EML4: variants seen among roughly 807,000 people sequenced by gnomAD.
EML4 encodes the protein EMAP like 4.
Under a neutral mutation model 129.0 loss-of-function variants are expected in EML4, and 72 were observed. That is an observed-to-expected ratio of 0.56 (90% CI 0.46 to 0.68). The LOEUF is 0.68. Ranked by LOEUF, EML4 falls within the 30% of genes least tolerant of loss-of-function variation. The pLI is 0.00. For missense variants in EML4, 1,363 were observed against 1,190.6 expected, an observed-to-expected ratio of 1.14 and a Z score of -2.13; for synonymous variants, 532 against 405.0, an observed-to-expected ratio of 1.31 and a Z score of -3.77.
chr2:42,230,978 C>G (rs1045090431), intron 1 of EML4, among the ~76,000 whole-genome samples: 4 of 152,178 alleles, frequency 2.6e-5, no homozygotes, highest in Non-Finnish European at 5.9e-5. Flanking sequence ...AAATCTATTA[C>G]TCTTACATTT....
chr2:42,229,862 G>T (rs998082656), intron 1 of EML4, among the ~76,000 whole-genome samples: 2 of 151,854 alleles, frequency 1.3e-5, no homozygotes, highest in African/African-American at 4.8e-5. Context: ...TGGCAGAGGG[G>T]AAAGGAGGGC....
chr2:42,205,385 T>C (rs974244175), intron 1 of EML4, among the ~76,000 whole-genome samples: 3 of 152,228 alleles, frequency 2.0e-5, no homozygotes, highest in Non-Finnish European at 4.4e-5. Context: ...AAGTTGACAT[T>C]TTTATATTTG....
chr2:42,236,970 G>A (rs1674717729), intron 1 of EML4, among the ~76,000 whole-genome samples: 3 of 152,144 alleles, frequency 2.0e-5, no homozygotes, highest in Non-Finnish European at 1.5e-5. Flanking sequence ...TCTATGAGGT[G>A]TTTAGAAAGA....
In EML4 at chr2:42,330,268, G is replaced by A; in HGVS notation, c.*61G>A. The A allele has an allele frequency of 6.7e-7, 1 of 1,485,820 alleles. No individual in the cohort carries two copies. The highest frequency in any genetic ancestry group is 9.3e-7 in the Non-Finnish European group (1 of 1,069,804). 92.0% of individuals were successfully genotyped at this position (1,485,820 alleles called of 1,614,324 possible). ...GCATGTGATTTTGTGATAAAGTTCA[G>A]GTAACAGGATGGGCAGTGATGGAGA... On this transcript the variant is annotated 3_prime_UTR_variant, in exon 23 of 23. Transcript: ENST00000318522.
intron 1 of EML4, among the ~76,000 whole-genome samples, chr2:42,244,749 C>A (rs1006892399): frequency 6.6e-6 from 1 of 151,962 alleles, no homozygotes; most frequent in African/African-American, 2.4e-5. Flanking sequence ...TGATAGACTC[C>A]CTATCTGATA....
At chr2:42,252,302 C>T (rs1675827562) in intron 2 of EML4, among the ~76,000 whole-genome samples, 1 of 152,112 alleles carries the variant, frequency 6.6e-6, no homozygotes, top group South Asian at 2.1e-4. Flanking sequence ...ATTCTTTTGT[C>T]ATGATCAAGT....
At chr2:42,276,637 A>G (rs1020833713) in intron 6 of EML4, among the ~76,000 whole-genome samples, 7 of 152,352 alleles carry the variant, frequency 4.6e-5, no homozygotes, top group South Asian at 2.1e-4. Context: ...AAATATGTCA[A>G]TAACCTCATA....
Position 42,330,579 on chromosome 2 carries a change from C to A in EML4, c.*372C>A. The A allele has an allele frequency of 2.4e-6, 1 of 411,062 alleles. No individual in the cohort carries two copies. The highest frequency in any genetic ancestry group is 4.6e-6 in the Non-Finnish European group (1 of 218,068). The allele number at this position is 411,062 out of a possible 1,614,324, so 25.5% of individuals were successfully genotyped here. A position where few individuals can be genotyped will look rare whatever the true frequency, so the allele number is the denominator to read the frequency against. ...TTTCTTCAGGAACAACCAGAGGTAT[C>A]ACAAACACTGTTACTCATCTACTGG... On this transcript the variant is annotated 3_prime_UTR_variant, in exon 23 of 23. Transcript: ENST00000318522.
chr2:42,207,416 A>C (rs975130873), intron 1 of EML4, among the ~76,000 whole-genome samples: 1 of 152,212 alleles, frequency 6.6e-6, no homozygotes, highest in African/African-American at 2.4e-5. Flanking sequence ...TGTATGACCT[A>C]GGACCTTATA....
intron 2 of EML4, among the ~76,000 whole-genome samples, chr2:42,251,199 C>A (rs1016137888): frequency 2.6e-5 from 4 of 152,196 alleles, no homozygotes; most frequent in South Asian, 2.1e-4. Flanking sequence ...GTCTGTTGCT[C>A]CTAGGTTACA....
intron 2 of EML4, among the ~76,000 whole-genome samples, chr2:42,248,447 A>G (rs993658606): frequency 1.3e-5 from 2 of 152,222 alleles, no homozygotes; most frequent in Non-Finnish European, 2.9e-5. Context: ...TCTCAATGTC[A>G]TGAAATATAA....
chr2:42,224,828 G>C (rs58063598), intron 1 of EML4, among the ~76,000 whole-genome samples: 2,541 of 152,114 alleles, frequency 0.017, 66 homozygotes, highest in African/African-American at 0.054. Flanking sequence ...TTATAGTTCA[G>C]TGTTATTAAG....
At position 42,247,872 on chromosome 2, in the gene EML4, A is replaced by G. The variant is rs530714705; in HGVS notation, c.208+2185A>G. Among the ~76,000 whole-genome samples the G allele has an allele frequency of 2.6e-5, 4 of 152,288 alleles. No individual in the cohort carries two copies. The South Asian group carries it at 6.2e-4, about 24-fold the overall frequency. ...AGAGAGGGAAGAACAAATTTCCTAT[A>G]TATAATATACAGACTCAGAACCCGA... On this transcript the variant is annotated intron_variant, in intron 2 of 22. Transcript: ENST00000318522.
At chr2:42,282,253 GT>G (rs1234971466) in intron 7 of EML4, among the ~76,000 whole-genome samples, 1 of 151,496 alleles carries the variant, frequency 6.6e-6, no homozygotes, top group Non-Finnish European at 1.5e-5. Context: ...AGAACTGAAT[GT>G]TCACCATTAT....
At chr2:42,282,058 G>A (rs1376109193) in intron 7 of EML4, among the ~76,000 whole-genome samples, 1 of 151,976 alleles carries the variant, frequency 6.6e-6, no homozygotes, top group Non-Finnish European at 1.5e-5. Context: ...TTCCAGATAG[G>A]CCTTCTTTTG....
chr2:42,211,794 C>G (rs1004792541), intron 1 of EML4, among the ~76,000 whole-genome samples: 4 of 152,046 alleles, frequency 2.6e-5, no homozygotes, highest in African/African-American at 9.7e-5. Flanking sequence ...AGCCTGGCAG[C>G]AAACGTAGTA....
chr2:42,257,907 C>T (rs1665444890), intron 3 of EML4, among the ~76,000 whole-genome samples: 3 of 151,990 alleles, frequency 2.0e-5, no homozygotes, highest in Admixed American at 2.0e-4. Context: ...TAGACTTTCC[C>T]CTACAAAGGA....
At chr2:42,251,648 A>C (rs1675774872) in intron 2 of EML4, among the ~76,000 whole-genome samples, 1 of 152,226 alleles carries the variant, frequency 6.6e-6, no homozygotes. Flanking sequence ...AGTGACGAAG[A>C]GCCTGAAAAT....
At chr2:42,230,682 A>C (rs1038653253) in intron 1 of EML4, among the ~76,000 whole-genome samples, 2 of 152,228 alleles carry the variant, frequency 1.3e-5, no homozygotes, top group Non-Finnish European at 2.9e-5. Context: ...CTGGGATTAC[A>C]GGCGTGAGCC....
Sources: gnomAD v4.1 joint callset for allele counts (sites outside exome capture counted in the v4.1 genomes callset) on GRCh38, gnomAD v4.1.1 for gene constraint, MANE v1.5 for transcripts, NCBI Gene and HGNC (gene_info 2026-07-23, HGNC 2026-07-21) for gene names.